The following ABCB1 variants were observed in gnomAD, a reference collection of about 807,000 sequenced individuals.
ABCB1 encodes the protein ATP-dependent translocase ABCB1.
ABCB1 carries 69 observed loss-of-function variants against 142.0 expected under a neutral mutation model. The ratio of observed to expected loss-of-function variants is 0.49; its 90% CI spans 0.40 to 0.59. The LOEUF (loss-of-function observed/expected upper bound fraction) is 0.59. Ranked by LOEUF, ABCB1 falls within the 20% of genes least tolerant of loss-of-function variation. The pLI, the probability that ABCB1 is intolerant of heterozygous loss-of-function variation, is 0.00. For missense variants in ABCB1, 1,326 were observed against 1,554.7 expected (o/e 0.85, Z 2.47); for synonymous variants, 532 against 539.2 (o/e 0.99, Z 0.18).
At chr7:87,626,752 CATATATATGTCATATATATGTCAGAGAG>C (rs1563082026) in intron 1 of ABCB1, among the ~76,000 whole-genome samples, 502 of 48,946 alleles carry the variant, frequency 0.01, 9 homozygotes, top group Middle Eastern at 0.043. Context: ...ATATATATGT[CATATATATGTCATATATATGTCAGAGAG>C]AGAGAGAGAG....
chr7:87,660,318 A>G (rs1445497144), intron 1 of ABCB1, among the ~76,000 whole-genome samples: 1 of 151,884 alleles, frequency 6.6e-6, no homozygotes, highest in Non-Finnish European at 1.5e-5. Flanking sequence ...GATTTCTTTG[A>G]TGTTATTCTA....
intron 1 of ABCB1, among the ~76,000 whole-genome samples, chr7:87,670,481 C>G (rs1343394391): frequency 6.6e-6 from 1 of 152,154 alleles, no homozygotes; most frequent in Admixed American, 6.6e-5. Context: ...GTTATTTCAG[C>G]CAGTACAGCC....
At chr7:87,649,243 G>A (rs778971876) in intron 1 of ABCB1, among the ~76,000 whole-genome samples, 1 of 152,162 alleles carries the variant, frequency 6.6e-6, no homozygotes, top group African/African-American at 2.4e-5. Context: ...TAAACTATAT[G>A]TTGGGTCTTG....
At chr7:87,677,849 GT>G (rs1826536190) in intron 1 of ABCB1, among the ~76,000 whole-genome samples, 1 of 152,154 alleles carries the variant, frequency 6.6e-6, no homozygotes, top group African/African-American at 2.4e-5. Flanking sequence ...TGAATGCAGG[GT>G]TTTCAACAGG....
intron 1 of ABCB1, among the ~76,000 whole-genome samples, chr7:87,674,158 G>T (rs534502915): frequency 6.6e-6 from 1 of 152,214 alleles, no homozygotes; most frequent in Non-Finnish European, 1.5e-5. Context: ...CTTCATCGAG[G>T]TGGTGGCAGT....
intron 8 of ABCB1, among the ~76,000 whole-genome samples, chr7:87,556,635 G>C (rs566427448): frequency 6.6e-6 from 1 of 152,132 alleles, no homozygotes; most frequent in African/African-American, 2.4e-5. Flanking sequence ...CCAGATCAGG[G>C]AGATGCTCTG....
chr7:87,536,181 T>C (rs1356917132), intron 20 of ABCB1, among the ~76,000 whole-genome samples: 1 of 152,220 alleles, frequency 6.6e-6, no homozygotes, highest in Non-Finnish European at 1.5e-5. Context: ...GAGCACTTTA[T>C]ACTCTCTTTT....
At chr7:87,605,201 C>T (rs893773289), upstream of ABCB1, among the ~76,000 whole-genome samples, 8 of 152,104 alleles carry the variant, frequency 5.3e-5, no homozygotes, top group Non-Finnish European at 1.2e-4. Flanking sequence ...GTTAATAATC[C>T]AGGCGCACTG....
intron 4 of ABCB1, among the ~76,000 whole-genome samples, chr7:87,581,220 T>A (rs939688532): frequency 1.3e-5 from 2 of 152,092 alleles, no homozygotes; most frequent in Admixed American, 1.3e-4. Context: ...GCCTCTCCAA[T>A]AGCTGGGACT....
chr7:87,681,745 G>T (rs1032689352), intron 1 of ABCB1, among the ~76,000 whole-genome samples: 1 of 151,934 alleles, frequency 6.6e-6, no homozygotes, highest in Non-Finnish European at 1.5e-5. Context: ...GGGCACAGTG[G>T]CTTACAGCTA....
chr7:87,706,468 C>T (rs1302827837), intron 1 of ABCB1, among the ~76,000 whole-genome samples: 1 of 152,018 alleles, frequency 6.6e-6, no homozygotes, highest in Non-Finnish European at 1.5e-5. Flanking sequence ...CCAGTGATAA[C>T]AGAATATCTT....
intron 21 of ABCB1, among the ~76,000 whole-genome samples, chr7:87,531,072 T>G (rs574449600): frequency 1.3e-5 from 2 of 152,212 alleles, no homozygotes; most frequent in Middle Eastern, 3.4e-3. Flanking sequence ...GCCTGAAAAC[T>G]GAAAAAGTCT....
At chr7:87,689,844 C>T (rs1416899087) in intron 1 of ABCB1, among the ~76,000 whole-genome samples, 5 of 152,130 alleles carry the variant, frequency 3.3e-5, no homozygotes, top group Non-Finnish European at 7.4e-5. Flanking sequence ...AATTCCCATT[C>T]TGATGTATTA....
chr7:87,682,507 A>T (rs1827025746), intron 1 of ABCB1, among the ~76,000 whole-genome samples: 1 of 152,192 alleles, frequency 6.6e-6, no homozygotes, highest in Admixed American at 6.5e-5. Flanking sequence ...TGGGCTACAG[A>T]TTGGATGTTG....
chr7:87,565,366 A>C (rs1218082489), intron 7 of ABCB1: 2 of 400,304 alleles, frequency 5.0e-6, no homozygotes, highest in East Asian at 1.5e-4. Context: ...AATCAGTTTA[A>C]AATTAACACC....
chr7:87,585,789 C>A, intron 3 of ABCB1, 109 bp from the exon 4 acceptor site: 1 of 1,149,210 alleles, frequency 8.7e-7, no homozygotes, highest in Non-Finnish European at 1.3e-6. Flanking sequence ...CAGACTACTA[C>A]TGATACCAAC....
chr7:87,536,629 A>G (rs1368555917), intron 19 of ABCB1, 88 bp from the exon 20 acceptor site: 1 of 1,130,844 alleles, frequency 8.8e-7, no homozygotes, highest in East Asian at 2.4e-5. Flanking sequence ...AGTTTTGTTT[A>G]TACTTATACC....
At chr7:87,661,822 CCCT>C (rs1467758775) in intron 1 of ABCB1, among the ~76,000 whole-genome samples, 1 of 151,894 alleles carries the variant, frequency 6.6e-6, no homozygotes, top group Non-Finnish European at 1.5e-5. Flanking sequence ...TATGAGAAAC[CCCT>C]ATACTTTTCT....
At chr7:87,547,653 TGAGGTCAG>T (rs531425412) in intron 14 of ABCB1, among the ~76,000 whole-genome samples, 191 of 152,132 alleles carry the variant, frequency 1.3e-3, no homozygotes, top group Non-Finnish European at 1.8e-3. Context: ...GTGGATCACC[TGAGGTCAG>T]GAGTTCAAGA....
Sources: gnomAD v4.1 joint callset for allele counts (sites outside exome capture counted in the v4.1 genomes callset) on GRCh38, gnomAD v4.1.1 for gene constraint, MANE v1.5 for transcripts, NCBI Gene and HGNC (gene_info 2026-07-23, HGNC 2026-07-21) for gene names.